The following TMEM132C variants were observed in gnomAD, a reference collection of about 807,000 sequenced individuals.
TMEM132C encodes the protein transmembrane protein 132C, also known as protein phosphatase 1, regulatory subunit 152.
In TMEM132C, 29 loss-of-function variants were observed where a neutral mutation model predicts 61.4. The ratio of observed to expected loss-of-function variants is 0.47; its 90% CI spans 0.35 to 0.64. The LOEUF (loss-of-function observed/expected upper bound fraction) is 0.64, where lower values mean the gene tolerates loss of function less well. TMEM132C is among the 30% of genes least tolerant of loss of function. The pLI, the probability that TMEM132C is intolerant of heterozygous loss-of-function variation, is 0.00. For missense variants in TMEM132C, 1,408 were observed against 1,476.9 expected (o/e 0.95, Z 0.76); for synonymous variants, 656 against 633.1 (o/e 1.04, Z -0.54).
chr12:128,633,182 T>C (rs987255726), intron 4 of TMEM132C, among the ~76,000 whole-genome samples: 1 of 152,152 alleles, frequency 6.6e-6, no homozygotes, highest in African/African-American at 2.4e-5. Context: ...GGCCGCATAG[T>C]GGCCTAACAA....
At position 128,452,367 on chromosome 12, in the gene TMEM132C, TG is replaced by T. The variant is rs1216352208; in HGVS notation, c.974+36750del. On this transcript the variant is annotated intron_variant, in intron 2 of 8. Coordinates refer to ENST00000435159, the MANE Select transcript of TMEM132C (RefSeq NM_001136103.3). ...CTCCCACCTCGGCCTCCCAAAATGC[TG>T]GGATTACAGGTGTGAGCCACCACGC... is the stretch of plus-strand genomic sequence containing the variant. 6.6e-5 allele frequency among the ~76,000 whole-genome samples: 10 copies of T among 151,466 alleles called. No homozygotes were observed. In the East Asian group the frequency reaches 1.8e-3, roughly 28 times the overall value.
chr12:128,624,585 C>G (rs890689354), intron 4 of TMEM132C, among the ~76,000 whole-genome samples: 4 of 151,182 alleles, frequency 2.6e-5, no homozygotes, highest in Non-Finnish European at 5.9e-5. Context: ...AAATGACCCC[C>G]AACTCATGGG....
At chr12:128,300,522 T>TTGGC (rs1871561845) in intron 1 of TMEM132C, among the ~76,000 whole-genome samples, 3 of 152,188 alleles carry the variant, frequency 2.0e-5, no homozygotes, top group Admixed American at 2.0e-4. Flanking sequence ...CTTGAGTGTG[T>TTGGC]TTGCCTGAGT....
At chr12:128,408,342 G>A (rs759579348) in intron 1 of TMEM132C, among the ~76,000 whole-genome samples, 8 of 152,164 alleles carry the variant, frequency 5.3e-5, no homozygotes, top group Non-Finnish European at 8.8e-5. Context: ...GAAGAATGAA[G>A]AATGAATGAC....
At chr12:128,387,140 C>CAAAAAAA (rs34160455) in intron 1 of TMEM132C, among the ~76,000 whole-genome samples, 1 of 85,618 alleles carries the variant, frequency 1.2e-5, no homozygotes, top group Non-Finnish European at 2.2e-5. Flanking sequence ...GACTCTGCCT[C>CAAAAAAA]AAAAAAAAAA....
At chr12:128,648,403 C>T (rs1176042051) in intron 4 of TMEM132C, among the ~76,000 whole-genome samples, 1 of 150,816 alleles carries the variant, frequency 6.6e-6, no homozygotes, top group Non-Finnish European at 1.5e-5. Flanking sequence ...TTACTAGATC[C>T]CATCAGTGTT....
chr12:128,639,956 C>T (rs1159465340), intron 4 of TMEM132C, among the ~76,000 whole-genome samples: 6 of 152,300 alleles, frequency 3.9e-5, no homozygotes, highest in East Asian at 3.9e-4. Context: ...GTTGTTCATA[C>T]TTATTGTTTG....
Position 128,508,469 on chromosome 12 carries a change from A to T in TMEM132C, c.975-35488A>T, listed in dbSNP as rs143245189. 1.8e-3 allele frequency among the ~76,000 whole-genome samples: 278 copies of T among 152,158 alleles called. 2 individuals are homozygous for T. Among genetic ancestry groups the T allele is most frequent in the African/African-American group, 6.6e-3 (273 of 41,506 alleles). On this transcript the variant is annotated intron_variant, in intron 2 of 8. Coordinates refer to ENST00000435159, the MANE Select transcript of TMEM132C (RefSeq NM_001136103.3). The stretch of plus-strand genomic sequence containing the variant: ...TTAACAACCGTTTCTCCTGGTAATG[A>T]TAGATGCAGGGAGGCGGAGTGGGGA...
At chr12:128,448,804 G>C (rs542799248) in intron 2 of TMEM132C, among the ~76,000 whole-genome samples, 1 of 152,068 alleles carries the variant, frequency 6.6e-6, no homozygotes. Flanking sequence ...TAACCAATTC[G>C]TATTAACTTT....
At chr12:128,686,063 G>GTA (rs372721678) in intron 5 of TMEM132C, among the ~76,000 whole-genome samples, 4 of 78,844 alleles carry the variant, frequency 5.1e-5, no homozygotes, top group Non-Finnish European at 1.4e-4. Context: ...ATGTGTGTGT[G>GTA]TGCATGCGTG....
At chr12:128,679,189 G>A (rs916674337) in intron 5 of TMEM132C, among the ~76,000 whole-genome samples, 2 of 152,230 alleles carry the variant, frequency 1.3e-5, no homozygotes, top group African/African-American at 4.8e-5. Context: ...TATTCACTAA[G>A]CTCTGCTGAG....
intron 1 of TMEM132C, among the ~76,000 whole-genome samples, chr12:128,363,420 T>C (rs779316606): frequency 2.6e-5 from 4 of 152,182 alleles, no homozygotes; most frequent in Non-Finnish European, 5.9e-5. Flanking sequence ...GCACAATCTA[T>C]GTAACCGGCT....
At chr12:128,569,304 A>G (rs1874797602) in intron 3 of TMEM132C, among the ~76,000 whole-genome samples, 1 of 152,206 alleles carries the variant, frequency 6.6e-6, no homozygotes, top group South Asian at 2.1e-4. Context: ...GGGGCCAGTT[A>G]TGATTTTTTT....
intron 3 of TMEM132C, among the ~76,000 whole-genome samples, chr12:128,600,260 G>A (rs1876135563): frequency 6.6e-6 from 1 of 152,152 alleles, no homozygotes. Flanking sequence ...GGTATTACAG[G>A]TGTGAGCCAC....
At chr12:128,648,990 G>A (rs117207420) in intron 4 of TMEM132C, among the ~76,000 whole-genome samples, 7,142 of 150,876 alleles carry the variant, frequency 0.047, 298 homozygotes, top group Non-Finnish European at 0.067. Context: ...CAGTCCATCA[G>A]CATTGGATAA....
chr12:128,422,537 A>G (rs1179896168), intron 2 of TMEM132C, among the ~76,000 whole-genome samples: 1 of 152,206 alleles, frequency 6.6e-6, no homozygotes, highest in East Asian at 1.9e-4. Context: ...CAAACCCTGC[A>G]TTAGGGATGC....
chr12:128,626,866 G>A (rs768192712), intron 4 of TMEM132C, among the ~76,000 whole-genome samples: 8 of 152,094 alleles, frequency 5.3e-5, no homozygotes, highest in Non-Finnish European at 1.2e-4. Flanking sequence ...AGATGCCCAC[G>A]ACCCACACAG....
intron 5 of TMEM132C, among the ~76,000 whole-genome samples, chr12:128,673,413 A>ATG (rs1351133524): frequency 6.6e-6 from 1 of 152,158 alleles, no homozygotes; most frequent in African/African-American, 2.4e-5. Context: ...TGAGAAATAA[A>ATG]TGTGTGTGTG....
intron 3 of TMEM132C, among the ~76,000 whole-genome samples, chr12:128,588,003 G>A (rs754900120): frequency 9.2e-5 from 14 of 152,136 alleles, no homozygotes; most frequent in African/African-American, 1.9e-4. Flanking sequence ...CACTCAATCC[G>A]GGTCAGACTC....
Sources: gnomAD v4.1 joint callset for allele counts (sites outside exome capture counted in the v4.1 genomes callset) on GRCh38, gnomAD v4.1.1 for gene constraint, MANE v1.5 for transcripts, NCBI Gene and HGNC (gene_info 2026-07-23, HGNC 2026-07-21) for gene names.